Variants in ABCC11 observed in about 807,000 individuals in gnomAD.
The protein encoded by ABCC11 is ATP binding cassette subfamily C member 11.
ABCC11 carries 135 observed loss-of-function variants against 149.3 expected under a neutral mutation model. That is an observed-to-expected ratio of 0.90 (90% CI 0.79 to 1.04). The LOEUF (loss-of-function observed/expected upper bound fraction) is 1.04. ABCC11 is among the 50% of genes least tolerant of loss of function. The pLI is 0.00. For missense variants in ABCC11, 1,680 were observed against 1,722.1 expected (o/e 0.98, Z 0.43); for synonymous variants, 665 against 671.4 (o/e 0.99, Z 0.15).
intron 1 of ABCC11, among the ~76,000 whole-genome samples, chr16:48,240,522 G>C (rs1402934577): frequency 6.6e-6 from 1 of 152,024 alleles, no homozygotes; most frequent in Admixed American, 6.5e-5. Flanking sequence ...GTGGCCTGAT[G>C]GGGGCAGGGG....
At chr16:48,205,604 G>A (rs1968372063) in intron 12 of ABCC11, 67 bp from the exon 13 acceptor site, 1 of 1,579,970 alleles carries the variant, frequency 6.3e-7, no homozygotes, top group Non-Finnish European at 8.6e-7. Flanking sequence ...TGGCTCAGCA[G>A]GCACAGTGCC....
At chr16:48,181,328 T>C (rs1041752486) in intron 23 of ABCC11, among the ~76,000 whole-genome samples, 2 of 152,212 alleles carry the variant, frequency 1.3e-5, no homozygotes, top group Non-Finnish European at 2.9e-5. Context: ...TATGGGAACA[T>C]AGCCAAGTTA....
chr16:48,193,801 G>A, intron 19 of ABCC11, 78 bp downstream of exon 19: 1 of 1,187,744 alleles, frequency 8.4e-7, no homozygotes, highest in Admixed American at 2.0e-5. Flanking sequence ...TCTGGCTCTT[G>A]TGGTCTCAAG....
intron 11 of ABCC11, among the ~76,000 whole-genome samples, chr16:48,208,742 T>C (rs1159948081): frequency 2.0e-5 from 3 of 152,032 alleles, no homozygotes; most frequent in Non-Finnish European, 4.4e-5. Context: ...CAGGGGTAGG[T>C]GGCAAGAACC....
At chr16:48,221,192 T>C (rs1969711555) in intron 6 of ABCC11, among the ~76,000 whole-genome samples, 2 of 152,054 alleles carry the variant, frequency 1.3e-5, no homozygotes, top group South Asian at 2.1e-4. Context: ...GAGATGAGGC[T>C]GGAAAGGGGC....
intron 13 of ABCC11, among the ~76,000 whole-genome samples, chr16:48,204,016 A>G (rs1307033382): frequency 6.6e-6 from 1 of 152,190 alleles, no homozygotes; most frequent in African/African-American, 2.4e-5. Flanking sequence ...TTGCACCATA[A>G]ATTATTTAAC....
At chr16:48,172,894 C>T (rs546204374) in intron 26 of ABCC11, among the ~76,000 whole-genome samples, 1 of 152,198 alleles carries the variant, frequency 6.6e-6, no homozygotes, top group Non-Finnish European at 1.5e-5. Context: ...GCATCTGGAA[C>T]AGGCAGCACT....
chr16:48,228,838 A>G (rs906781139), intron 3 of ABCC11, among the ~76,000 whole-genome samples: 1 of 152,208 alleles, frequency 6.6e-6, no homozygotes, highest in African/African-American at 2.4e-5. Context: ...TATTACCTTT[A>G]AGAATGATTT....
intron 7 of ABCC11, among the ~76,000 whole-genome samples, 178 bp from the exon 8 acceptor site, chr16:48,215,522 G>C (rs1969272236): frequency 6.6e-6 from 1 of 152,296 alleles, no homozygotes; most frequent in Non-Finnish European, 1.5e-5. Flanking sequence ...TCTTTCCTGA[G>C]TCCCAAGCCA....
Position 48,210,973 on chromosome 16 carries a change from T to A in ABCC11, c.1583A>T (p.His528Leu), listed in dbSNP as rs756652053. ...EEGNSLGPEL[H>L]KINLVVSKGM... is the part of the protein sequence containing the mutation. ...CTTGGACACCACCAGGTTGATCTTG[T>A]GCAACTCTGGGCCCAGGCTGTTCCC... The change falls in exon 11 of 30, where the codon CAC (histidine) becomes CTC (leucine). Residue 528 changes from histidine to leucine, a missense_variant. By Grantham distance (99) the His-to-Leu change is moderately conservative. Transcript: ENST00000356608. 2 of 1,614,188 alleles carry A rather than the reference T, an allele frequency of 1.2e-6. No individual in the cohort carries two copies. The highest frequency in any genetic ancestry group is 4.5e-5 in the East Asian group (2 of 44,872).
rs753276448 is a variant in ABCC11 at position 48,198,001 on chromosome 16, A to G, written c.2284T>C (p.Ser762Pro). The G allele has an allele frequency of 6.2e-7, 1 of 1,614,098 alleles. No homozygotes were observed. The highest frequency in any genetic ancestry group is 1.1e-5 in the South Asian group (1 of 91,080). ...PKVESQALATSLEESLNGNAV... is the reference protein window; with the variant it reads ...PKVESQALATPLEESLNGNAV... Reference sequence around the variant, plus strand: ...TTTCCGTTGAGAGACTCTTCCAGGGAGGTGGCCAGAGCCTGACTTTCTACC... The same window carrying G: ...TTTCCGTTGAGAGACTCTTCCAGGGGGGTGGCCAGAGCCTGACTTTCTACC... Residue 762 changes from serine to proline, a missense_variant, in exon 17 of 30, where the codon TCC becomes CCC. Ser to Pro is a moderately conservative substitution (Grantham distance 74). Transcript: ENST00000356608.
At chr16:48,245,930 A>C (rs1277453121) in intron 1 of ABCC11, among the ~76,000 whole-genome samples, 1 of 152,072 alleles carries the variant, frequency 6.6e-6, no homozygotes, top group Admixed American at 6.5e-5. Flanking sequence ...TTGTGTTTTC[A>C]GTTTAGAGCT....
Position 48,167,515 on chromosome 16 carries a change from A to G in ABCC11, c.4037T>C (p.Leu1346Pro). The G allele has an allele frequency of 6.2e-7, 1 of 1,614,148 alleles. No homozygotes were observed. Among genetic ancestry groups the G allele is most frequent in the Non-Finnish European group, 8.5e-7 (1 of 1,180,016 alleles). Residue 1346 changes from leucine (L) to proline (P), a missense_variant, in exon 29 of 30, where the codon CTG (leucine) becomes CCG (proline). By Grantham distance (98) the Leu-to-Pro change is moderately conservative. Coordinates refer to ENST00000356608, the MANE Select transcript of ABCC11 (RefSeq NM_001370497.1). Reference sequence around the variant, plus strand: ...CTTCACCTTCCCATTGCCCATAACCAGGATGTGGTCACAGTTCAGCACAGT... The same window carrying G: ...CTTCACCTTCCCATTGCCCATAACCGGGATGTGGTCACAGTTCAGCACAGT... ...VTTVLNCDHI[L>P]VMGNGKVVEF... is the part of the protein sequence containing the mutation.
chr16:48,208,507 A>G lies in ABCC11; in HGVS notation c.1609-11T>C. 6.2e-7 allele frequency: 1 copy of G among 1,614,090 alleles called. No homozygotes were observed. The highest frequency in any genetic ancestry group is 1.1e-5 in the South Asian group (1 of 91,078). On this transcript the variant is annotated splice_polypyrimidine_tract_variant and intron_variant, in intron 11 of 29. Coordinates refer to ENST00000356608, the MANE Select transcript of ABCC11 (RefSeq NM_001370497.1). ...CCCTAACATCATCCCCTGCAAGCCA[A>G]GGAGGACATACAAGTGTTGGGACAG...
At chr16:48,191,656 C>T (rs958668300) in intron 20 of ABCC11, among the ~76,000 whole-genome samples, 1 of 152,190 alleles carries the variant, frequency 6.6e-6, no homozygotes, top group Non-Finnish European at 1.5e-5. Context: ...CATACATGTG[C>T]ATTTATCTTT....
intron 26 of ABCC11, among the ~76,000 whole-genome samples, chr16:48,172,098 T>C (rs1403316077): frequency 6.6e-6 from 1 of 152,234 alleles, no homozygotes; most frequent in African/African-American, 2.4e-5. Flanking sequence ...CGATATGGAT[T>C]TGCCTATTCC....
At chr16:48,175,195 C>A in intron 26 of ABCC11, 63 bp downstream of exon 26, 1 of 1,560,988 alleles carries the variant, frequency 6.4e-7, no homozygotes, top group South Asian at 1.2e-5. Flanking sequence ...ATAGGCAGCC[C>A]GGTGCTGGAA....
rs1299348245 is a variant in ABCC11, at chr16:48,186,937, C to T, written c.3071+16G>A. 1 of 1,613,688 alleles carries T rather than the reference C, an allele frequency of 6.2e-7. No homozygotes were observed. Among genetic ancestry groups the T allele is most frequent in the Non-Finnish European group, 8.5e-7 (1 of 1,179,834 alleles). On this transcript the variant is annotated intron_variant, in intron 22 of 29. Coordinates refer to ENST00000356608, the MANE Select transcript of ABCC11 (RefSeq NM_001370497.1). ...CTGTGGTTCCATCATTCTCAAATGG[C>T]AGCAGAAGGACTCACTGGCTGATGA...
At chr16:48,201,369 C>G (rs78317297) in intron 14 of ABCC11, among the ~76,000 whole-genome samples, 2,952 of 152,258 alleles carry the variant, frequency 0.019, 110 homozygotes, top group African/African-American at 0.068. Context: ...CGACCTCCGC[C>G]TCTCAGTCTC....
Sources: allele counts gnomAD v4.1 joint callset (sites outside exome capture counted in the v4.1 genomes callset), GRCh38; gene constraint gnomAD v4.1.1; transcripts MANE v1.5; gene names NCBI Gene and HGNC (gene_info 2026-07-23, HGNC 2026-07-21).